The following CAMTA1 variants were observed in gnomAD, a reference collection of about 807,000 sequenced individuals.
The protein encoded by CAMTA1 is calmodulin binding transcription activator 1.
Under a neutral mutation model 170.9 loss-of-function variants are expected in CAMTA1, and 27 were observed. The observed-to-expected ratio is 0.16, with a 90% confidence interval of 0.12 to 0.22. CAMTA1 has a LOEUF of 0.22. Among genes scored for constraint, CAMTA1 ranks in the 10% least tolerant of loss-of-function variants. The pLI, the probability that CAMTA1 is intolerant of heterozygous loss-of-function variation, is 1.00. For missense variants in CAMTA1, 1,619 were observed against 2,217.2 expected (o/e 0.73, Z 5.42); for synonymous variants, 833 against 891.5 (o/e 0.93, Z 1.17).
chr1:7,032,210 C>A (rs992238128), intron 3 of CAMTA1, among the ~76,000 whole-genome samples: 6 of 152,210 alleles, frequency 3.9e-5, no homozygotes, highest in Non-Finnish European at 5.9e-5. Context: ...AGAAATCCAC[C>A]TGCCTCGGCC....
intron 1 of CAMTA1, among the ~76,000 whole-genome samples, chr1:6,789,089 GCTT>G (rs1640266600): frequency 6.6e-6 from 1 of 152,056 alleles, no homozygotes; most frequent in Admixed American, 6.5e-5. Flanking sequence ...TACTTATCCT[GCTT>G]CTGCAAATGT....
At chr1:7,667,784 G>A (rs572847694) in intron 9 of CAMTA1, among the ~76,000 whole-genome samples, 18 of 152,324 alleles carry the variant, frequency 1.2e-4, no homozygotes, top group African/African-American at 4.3e-4. Flanking sequence ...GGAGCGGCCA[G>A]CCTTGCTTTT....
chr1:7,331,242 A>G (rs962963047), intron 5 of CAMTA1, among the ~76,000 whole-genome samples: 2 of 152,138 alleles, frequency 1.3e-5, no homozygotes, highest in African/African-American at 2.4e-5. Context: ...CCACCAAAAA[A>G]CAAAACAAAA....
chr1:6,996,847 G>A (rs1697337003), intron 3 of CAMTA1, among the ~76,000 whole-genome samples: 2 of 152,108 alleles, frequency 1.3e-5, no homozygotes, highest in South Asian at 2.1e-4. Context: ...TATTTTAAAT[G>A]TTGGAAGGTT....
rs546413827 is a variant in CAMTA1 at position 7,319,600 on chromosome 1, G to C, written c.438+69974G>C. Among the ~76,000 whole-genome samples, 13 of 152,284 alleles carry C rather than the reference G, an allele frequency of 8.5e-5. No individual in the cohort carries two copies. The South Asian group carries it at 2.5e-3, about 29-fold the overall frequency. On this transcript the variant is annotated intron_variant, in intron 5 of 22. Transcript: ENST00000303635. ...CCAGTCTCAGCTATTTTTTATGGCA[G>C]TGCAAGAATGGACTAATATGGCTAG... is the stretch of plus-strand genomic sequence containing the variant.
chr1:6,891,278 G>A lies in CAMTA1; in HGVS notation c.234+66068G>A, dbSNP rs959603479. ...GCAATCCCCACTTTTATACTGTTGA[G>A]TTTCCCTGATGAGTTTTCATATATA... On this transcript the variant is annotated intron_variant, in intron 3 of 22. Transcript: ENST00000303635. Among the ~76,000 whole-genome samples the A allele has an allele frequency of 2.0e-5, 3 of 152,192 alleles. No individual in the cohort carries two copies. In the South Asian group the frequency reaches 6.2e-4, roughly 32 times the overall value.
chr1:7,179,663 A>G (rs1651695237), intron 4 of CAMTA1, among the ~76,000 whole-genome samples: 1 of 152,226 alleles, frequency 6.6e-6, no homozygotes, highest in Non-Finnish European at 1.5e-5. Flanking sequence ...AAATGGGGAA[A>G]GCAAATTAAA....
intron 6 of CAMTA1, among the ~76,000 whole-genome samples, chr1:7,627,221 G>A (rs1164671108): frequency 1.3e-5 from 2 of 152,190 alleles, no homozygotes. Context: ...AAGAATGGCT[G>A]GTGTTTAGCT....
At chr1:7,475,539 G>C (rs1014048501) in intron 6 of CAMTA1, among the ~76,000 whole-genome samples, 4 of 152,194 alleles carry the variant, frequency 2.6e-5, no homozygotes, top group Admixed American at 2.6e-4. Context: ...GCCCAGCCCT[G>C]GTATCTTTGG....
intron 11 of CAMTA1, among the ~76,000 whole-genome samples, chr1:7,705,780 C>T (rs1044234225): frequency 6.6e-6 from 1 of 152,172 alleles, no homozygotes; most frequent in East Asian, 1.9e-4. Flanking sequence ...AGCGGAGGGA[C>T]GCTCGATTCA....
At chr1:7,485,678 C>CCAGG (rs2093608641) in intron 6 of CAMTA1, among the ~76,000 whole-genome samples, 1 of 152,190 alleles carries the variant, frequency 6.6e-6, no homozygotes, top group Admixed American at 6.5e-5. Context: ...CCCTTCCCCA[C>CCAGG]CAGGCGAGGC....
chr1:7,551,487 G>A (rs1342772115), intron 6 of CAMTA1, among the ~76,000 whole-genome samples: 1 of 152,184 alleles, frequency 6.6e-6, no homozygotes, highest in Admixed American at 6.5e-5. Flanking sequence ...TGCCTGAAGT[G>A]GCCTTGAGCT....
At chr1:7,030,283 A>T (rs1702604256) in intron 3 of CAMTA1, among the ~76,000 whole-genome samples, 1 of 152,200 alleles carries the variant, frequency 6.6e-6, no homozygotes, top group Non-Finnish European at 1.5e-5. Flanking sequence ...ATATATTTTA[A>T]TGTGGATCTT....
intron 3 of CAMTA1, among the ~76,000 whole-genome samples, chr1:6,935,045 A>C (rs1327361292): frequency 6.6e-6 from 1 of 152,252 alleles, no homozygotes; most frequent in Non-Finnish European, 1.5e-5. Context: ...GAATATACCT[A>C]GTCAATCATA....
chr1:7,161,117 A>C (rs1647187554), intron 4 of CAMTA1, among the ~76,000 whole-genome samples: 1 of 151,990 alleles, frequency 6.6e-6, no homozygotes, highest in Non-Finnish European at 1.5e-5. Flanking sequence ...AATACTTAAA[A>C]CCTTTTAGTG....
At chr1:7,491,192 T>C (rs1337269623) in intron 6 of CAMTA1, among the ~76,000 whole-genome samples, 1 of 152,160 alleles carries the variant, frequency 6.6e-6, no homozygotes, top group Admixed American at 6.5e-5. Flanking sequence ...CCGGCCTCCA[T>C]GTACCCCCTG....
intron 3 of CAMTA1, among the ~76,000 whole-genome samples, chr1:6,927,788 A>C (rs1044237945): frequency 2.6e-5 from 4 of 152,230 alleles, no homozygotes; most frequent in Admixed American, 2.0e-4. Context: ...ATATTCCTGC[A>C]GGTCTCCTGT....
chr1:7,122,129 T>G (rs114338591), intron 4 of CAMTA1, among the ~76,000 whole-genome samples: 212 of 152,094 alleles, frequency 1.4e-3, no homozygotes, highest in African/African-American at 5.0e-3. Flanking sequence ...GGTGGTACTG[T>G]GCACGCTCCT....
At chr1:7,688,340 G>A (rs955740432) in intron 11 of CAMTA1, among the ~76,000 whole-genome samples, 2 of 152,182 alleles carry the variant, frequency 1.3e-5, no homozygotes, top group African/African-American at 4.8e-5. Flanking sequence ...TTTGGATGTG[G>A]GTCAGCTGTT....
Sources: gnomAD v4.1 joint callset for allele counts (sites outside exome capture counted in the v4.1 genomes callset) on GRCh38, gnomAD v4.1.1 for gene constraint, MANE v1.5 for transcripts, NCBI Gene and HGNC (gene_info 2026-07-23, HGNC 2026-07-21) for gene names.